Variants in CFAP54 observed in about 807,000 individuals in gnomAD.
CFAP54 encodes cilia- and flagella-associated protein 54.
A neutral mutation model predicts 370.4 loss-of-function variants in CFAP54; 290 were observed. The ratio of observed to expected loss-of-function variants is 0.78; its 90% CI spans 0.71 to 0.86. The LOEUF is 0.86. Ranked by LOEUF, CFAP54 falls within the 40% of genes least tolerant of loss-of-function variation. The pLI, the probability that CFAP54 is intolerant of heterozygous loss-of-function variation, is 0.00. For missense variants in CFAP54, 3,399 were observed against 3,528.7 expected (o/e 0.96, Z 0.93); for synonymous variants, 1,206 against 1,236.5 (o/e 0.98, Z 0.52).
chr12:96,685,811 C>CA (rs1957323228), intron 42 of CFAP54, among the ~76,000 whole-genome samples: 1 of 152,134 alleles, frequency 6.6e-6, no homozygotes, highest in Non-Finnish European at 1.5e-5. Flanking sequence ...CTCAGCTTCC[C>CA]AAAGTGCTGG....
Position 96,521,990 on chromosome 12 carries a change from TAAAAG to T in CFAP54, c.1056+24_1056+28del. On this transcript the variant is annotated intron_variant, in intron 7 of 67. Coordinates refer to ENST00000524981, the MANE Select transcript of CFAP54 (RefSeq NM_001306084.2). The stretch of plus-strand genomic sequence containing the variant: ...ATGAAGGTATAAAAATTTCATGAAA[TAAAAG>T]AAATTTACCACACTCTACAGCTGAT... The T allele has an allele frequency of 6.6e-7, 1 of 1,525,916 alleles. No individual in the cohort carries two copies. The highest frequency in any genetic ancestry group is 8.8e-7 in the Non-Finnish European group (1 of 1,138,650). 94.5% of individuals were successfully genotyped at this position (1,525,916 alleles called of 1,614,324 possible). A position where few individuals can be genotyped will look rare whatever the true frequency, so the allele number is the denominator to read the frequency against.
intron 1 of CFAP54, among the ~76,000 whole-genome samples, chr12:96,492,182 T>C (rs1469150045): frequency 2.0e-5 from 3 of 152,198 alleles, no homozygotes; most frequent in Non-Finnish European, 2.9e-5. Flanking sequence ...CTCCAATCTA[T>C]CCTTCACCTA....
At chr12:96,763,066 G>T (rs11108685) in intron 58 of CFAP54, among the ~76,000 whole-genome samples, 2 of 151,898 alleles carry the variant, frequency 1.3e-5, no homozygotes, top group African/African-American at 2.4e-5. Context: ...ATTAGCACCC[G>T]TGGGGCTAAT....
Position 96,860,864 on chromosome 12 carries a change from C to CT in CFAP54, c.9222dup (p.Asp3075Ter). On this transcript the variant is annotated frameshift_variant, in exon 67 of 68. Coordinates refer to ENST00000524981, the MANE Select transcript of CFAP54 (RefSeq NM_001306084.2). LOFTEE classifies it high-confidence loss of function. ...GCCGTCTATATTCAATCTTGAGAGA[C>CT]TTTTTGATCTGGCTAATGGTTGCAT... 1.3e-6 allele frequency: 2 copies of CT among 1,534,072 alleles called. No individual in the cohort carries two copies. The highest frequency in any genetic ancestry group is 1.7e-6 in the Non-Finnish European group (2 of 1,145,584).
chr12:96,786,472 C>T (rs905320984), intron 61 of CFAP54, among the ~76,000 whole-genome samples: 22 of 152,082 alleles, frequency 1.4e-4, no homozygotes, highest in Admixed American at 9.2e-4. Flanking sequence ...TAAGCCACCG[C>T]GCCTGGCCTG....
intron 58 of CFAP54, among the ~76,000 whole-genome samples, chr12:96,760,891 C>G (rs1209920411): frequency 2.6e-5 from 4 of 151,970 alleles, no homozygotes; most frequent in African/African-American, 4.8e-5. Context: ...ATTGTTTTCA[C>G]TTTTTGGCTG....
chr12:96,491,373 A>C (rs1275235771), intron 1 of CFAP54, among the ~76,000 whole-genome samples: 3 of 152,224 alleles, frequency 2.0e-5, no homozygotes, highest in African/African-American at 4.8e-5. Flanking sequence ...GTGATTCAGC[A>C]TCCAGGTGGA....
intron 65 of CFAP54, among the ~76,000 whole-genome samples, chr12:96,825,542 A>G (rs1435425717): frequency 1.7e-5 from 2 of 117,296 alleles, no homozygotes; most frequent in Non-Finnish European, 3.2e-5. Flanking sequence ...TTTACTATAT[A>G]TTATATATAT....
intron 42 of CFAP54, 38 bp downstream of exon 42, chr12:96,685,276 C>T (rs965337297): frequency 6.3e-7 from 1 of 1,589,724 alleles, no homozygotes; most frequent in Non-Finnish European, 8.6e-7. Flanking sequence ...TACTAGCTAA[C>T]AGCTTCCTTG....
At chr12:96,826,943 G>A (rs185868506) in intron 65 of CFAP54, among the ~76,000 whole-genome samples, 3,296 of 124,950 alleles carry the variant, frequency 0.026, 135 homozygotes, top group African/African-American at 0.081. Flanking sequence ...ATGCAATTAT[G>A]TATGATTATA....
At chr12:96,605,670 T>G (rs1173122567) in intron 26 of CFAP54, among the ~76,000 whole-genome samples, 1 of 152,230 alleles carries the variant, frequency 6.6e-6, no homozygotes, top group African/African-American at 2.4e-5. Context: ...TTTGGGCTCT[T>G]GACATATGCA....
rs1592729360 is a variant in CFAP54 at position 96,728,546 on chromosome 12, C to T, written c.6965+7981C>T. Among the ~76,000 whole-genome samples the T allele has an allele frequency of 3.3e-5, 5 of 152,340 alleles. No individual in the cohort carries two copies. The East Asian group carries it at 9.6e-4, about 29-fold the overall frequency. On this transcript the variant is annotated intron_variant, in intron 50 of 67. Coordinates refer to ENST00000524981, the MANE Select transcript of CFAP54 (RefSeq NM_001306084.2). ...GCTCCATCAGCTCCTTTAAGCACTT[C>T]TCTGTATTGGTTATTCTAGTTATAC...
At chr12:96,863,654 A>G (rs948334048) in intron 67 of CFAP54, among the ~76,000 whole-genome samples, 2 of 152,176 alleles carry the variant, frequency 1.3e-5, no homozygotes, top group African/African-American at 4.8e-5. Flanking sequence ...CTGGGGGCCG[A>G]TTTTAAAAAA....
At chr12:96,597,696 C>T (rs1956194164) in intron 25 of CFAP54, among the ~76,000 whole-genome samples, 1 of 151,564 alleles carries the variant, frequency 6.6e-6, no homozygotes, top group African/African-American at 2.4e-5. Context: ...AAAACCATGT[C>T]TGGTGAGAAA....
intron 63 of CFAP54, among the ~76,000 whole-genome samples, chr12:96,804,877 G>A (rs1405932099): frequency 2.6e-5 from 4 of 152,030 alleles, no homozygotes; most frequent in Non-Finnish European, 5.9e-5. Flanking sequence ...ACAACAAATG[G>A]TACTGGTATA....
chr12:96,511,735 C>T (rs1018682663), intron 4 of CFAP54, among the ~76,000 whole-genome samples: 3 of 152,248 alleles, frequency 2.0e-5, no homozygotes, highest in African/African-American at 4.8e-5. Flanking sequence ...TTGCCTGCCT[C>T]AGCCTCCCAA....
At chr12:96,762,418 G>A (rs1281677242) in intron 58 of CFAP54, among the ~76,000 whole-genome samples, 3 of 152,092 alleles carry the variant, frequency 2.0e-5, no homozygotes, top group East Asian at 1.9e-4. Context: ...CCCCTTGCCC[G>A]GGTTTTCTTT....
intron 66 of CFAP54, 128 bp downstream of exon 66, chr12:96,829,216 A>G: frequency 2.0e-6 from 1 of 493,568 alleles, no homozygotes; most frequent in East Asian, 3.1e-5. Flanking sequence ...TGAAAAAGTG[A>G]TAAACATGAG....
chr12:96,608,003 T>C (rs1411943194), intron 26 of CFAP54, among the ~76,000 whole-genome samples: 2 of 152,160 alleles, frequency 1.3e-5, no homozygotes, highest in African/African-American at 2.4e-5. Flanking sequence ...GGAAATACTC[T>C]ATCAAATGAC....
Sources: gnomAD v4.1 joint callset for allele counts (sites outside exome capture counted in the v4.1 genomes callset) on GRCh38, gnomAD v4.1.1 for gene constraint, MANE v1.5 for transcripts, NCBI Gene and HGNC (gene_info 2026-07-23, HGNC 2026-07-21) for gene names.